Variants in NEURL1B observed in about 807,000 individuals in gnomAD.
NEURL1B encodes neuralized E3 ubiquitin protein ligase 1B.
Under a neutral mutation model 37.4 loss-of-function variants are expected in NEURL1B, and 13 were observed. The ratio of observed to expected loss-of-function variants is 0.35; its 90% CI spans 0.23 to 0.55. NEURL1B has a LOEUF of 0.55. Among genes scored for constraint, NEURL1B ranks in the 20% least tolerant of loss-of-function variants. The pLI, the probability that NEURL1B is intolerant of heterozygous loss-of-function variation, is 0.89. For synonymous variants in NEURL1B, 432 were observed against 426.6 expected (o/e 1.01, Z -0.16); for missense variants, 790 against 879.2 (o/e 0.90, Z 1.28).
intron 2 of NEURL1B, 64 bp downstream of exon 2, chr5:172,670,394 T>C: frequency 8.0e-7 from 1 of 1,248,012 alleles, no homozygotes. Context: ...TGGGTGTGTG[T>C]TTCATTAGTA....
In NEURL1B at chr5:172,683,375, C is replaced by T. The variant is rs1038606391; in HGVS notation, c.578-44C>T. 8.0e-5 allele frequency: 103 copies of T among 1,279,680 alleles called. No homozygotes were observed. Among genetic ancestry groups the T allele is most frequent in the Non-Finnish European group, 1.0e-4 (101 of 1,009,242 alleles). The allele number at this position is 1,279,680 out of a possible 1,614,324, so 79.3% of individuals were successfully genotyped here. A position where few individuals can be genotyped will look rare whatever the true frequency, so the allele number is the denominator to read the frequency against. ...GAGGAGGGGCTCGCGACCAGCCTGACGCGCGGCCTCTCCCCCTCCATGTCC... is the reference window on the plus strand; with the variant it reads ...GAGGAGGGGCTCGCGACCAGCCTGATGCGCGGCCTCTCCCCCTCCATGTCC... On this transcript the variant is annotated intron_variant, in intron 2 of 4. Transcript: ENST00000369800. The surrounding 1 kb of genome is among the most constrained non-coding windows in gnomAD (Gnocchi z 5.6).
At chr5:172,642,259 T>TA (rs963785600) in intron 1 of NEURL1B, among the ~76,000 whole-genome samples, 7 of 152,162 alleles carry the variant, frequency 4.6e-5, no homozygotes, top group Non-Finnish European at 7.4e-5. Flanking sequence ...GTTTTACAAA[T>TA]AAAAAAATTG....
intron 1 of NEURL1B, among the ~76,000 whole-genome samples, chr5:172,660,033 A>T (rs1396054923): frequency 6.6e-6 from 1 of 152,158 alleles, no homozygotes; most frequent in Non-Finnish European, 1.5e-5. Context: ...TTGTCAGTGC[A>T]TGTACCCGGC....
chr5:172,644,987 T>C (rs1757533924), intron 1 of NEURL1B, among the ~76,000 whole-genome samples: 2 of 152,272 alleles, frequency 1.3e-5, no homozygotes, highest in African/African-American at 4.8e-5. Context: ...ATACACTAAA[T>C]TCAAACAACA....
At chr5:172,677,808 C>T (rs868851195) in intron 2 of NEURL1B, among the ~76,000 whole-genome samples, 3 of 152,120 alleles carry the variant, frequency 2.0e-5, no homozygotes, top group Non-Finnish European at 2.9e-5. Flanking sequence ...GCCCCGGTGG[C>T]GTCCGTCTTT....
chr5:172,672,376 C>A (rs141186763), intron 2 of NEURL1B, among the ~76,000 whole-genome samples: 257 of 152,302 alleles, frequency 1.7e-3, no homozygotes, highest in African/African-American at 5.9e-3. Flanking sequence ...GGGAAGCAAT[C>A]CCACCTCACT....
In NEURL1B at chr5:172,665,549, C is replaced by T. The variant is rs779764926; in HGVS notation, c.32-4236C>T. ...GCGGCTCCCTCTTGCCCATGCAGTG[C>T]GTTCTGAGCCTCTTGGGCTGGCATT... On this transcript the variant is annotated intron_variant, in intron 1 of 4. Coordinates refer to ENST00000369800, the MANE Select transcript of NEURL1B (RefSeq NM_001142651.3). The surrounding 1 kb of genome is among the most constrained non-coding windows in gnomAD (Gnocchi z 4.1). 5.3e-5 allele frequency among the ~76,000 whole-genome samples: 8 copies of T among 152,352 alleles called. No homozygotes were observed. The highest frequency in any genetic ancestry group is 1.7e-4 in the African/African-American group (7 of 41,590).
At chr5:172,663,829 T>TTTTTTTATTATTATTATTATTATTA (rs138220033) in intron 1 of NEURL1B, among the ~76,000 whole-genome samples, 15 of 140,846 alleles carry the variant, frequency 1.1e-4, no homozygotes, top group South Asian at 2.4e-4. Context: ...GTTTTATTTG[T>TTTTTTTATTATTATTATTATTATTA]TTATTATTAT....
intron 1 of NEURL1B, among the ~76,000 whole-genome samples, chr5:172,652,648 C>G (rs1757688992): frequency 6.6e-6 from 1 of 152,270 alleles, no homozygotes; most frequent in South Asian, 2.1e-4. Context: ...TCGAAATCTT[C>G]CCAGATTAAA....
At chr5:172,680,156 G>T (rs747239654) in intron 2 of NEURL1B, among the ~76,000 whole-genome samples, 6 of 152,200 alleles carry the variant, frequency 3.9e-5, no homozygotes, top group Non-Finnish European at 7.3e-5. Flanking sequence ...AGCACTTAGT[G>T]CCATGCTCTG....
intron 1 of NEURL1B, among the ~76,000 whole-genome samples, chr5:172,644,901 C>A (rs1051935964): frequency 6.6e-6 from 1 of 152,156 alleles, no homozygotes; most frequent in Non-Finnish European, 1.5e-5. Flanking sequence ...GGGAGGGACT[C>A]ATCCCCTTCT....
At chr5:172,666,767 G>A (rs564471125) in intron 1 of NEURL1B, among the ~76,000 whole-genome samples, 5 of 152,278 alleles carry the variant, frequency 3.3e-5, no homozygotes, top group African/African-American at 7.2e-5. Context: ...GCCACCCCTC[G>A]TGGGCCTTAC....
chr5:172,648,906 G>T (rs1757607679), intron 1 of NEURL1B, among the ~76,000 whole-genome samples: 2 of 152,222 alleles, frequency 1.3e-5, no homozygotes, highest in Admixed American at 6.5e-5. Context: ...CAGGTCAGGG[G>T]AGAGCTGATG....
In NEURL1B at chr5:172,641,533, G is replaced by A. The variant is rs890201801; in HGVS notation, c.31+96G>A. 1.1e-4 allele frequency: 119 copies of A among 1,080,118 alleles called. No individual in the cohort carries two copies. In the Middle Eastern group the frequency reaches 1.4e-3, roughly 13 times the overall value. The allele number at this position is 1,080,118 out of a possible 1,614,324, so 66.9% of individuals were successfully genotyped here. A position where few individuals can be genotyped will look rare whatever the true frequency, so the allele number is the denominator to read the frequency against. On this transcript the variant is annotated intron_variant, in intron 1 of 4. Coordinates refer to ENST00000369800, the MANE Select transcript of NEURL1B (RefSeq NM_001142651.3). The surrounding 1 kb of genome is among the most constrained non-coding windows in gnomAD (Gnocchi z 6.4). ...CTGGAGAGCTACCCCACGGCCCTTG[G>A]AGCCCTCGGCTCGCAGCGGGCTGGA...
chr5:172,644,292 A>T (rs1002496576), intron 1 of NEURL1B, among the ~76,000 whole-genome samples: 4 of 152,174 alleles, frequency 2.6e-5, no homozygotes, highest in Non-Finnish European at 4.4e-5. Flanking sequence ...TCAGAGAGGT[A>T]AAGTGGCTTG....
In NEURL1B at chr5:172,665,429, C is replaced by T. The variant is rs1044890300; in HGVS notation, c.32-4356C>T. On this transcript the variant is annotated intron_variant, in intron 1 of 4. Transcript: ENST00000369800. The surrounding 1 kb of genome is among the most constrained non-coding windows in gnomAD (Gnocchi z 4.1). ...CGTGGTTCTAGAGATGGCCCACAGC[C>T]TGACTCTGCGTCCACCCTCCTTGCT... Among the ~76,000 whole-genome samples, 2 of 152,254 alleles carry T rather than the reference C, an allele frequency of 1.3e-5. No homozygotes were observed. The highest frequency in any genetic ancestry group is 4.8e-5 in the African/African-American group (2 of 41,476).
Position 172,665,772 on chromosome 5 carries a change from T to C in NEURL1B, c.32-4013T>C, listed in dbSNP as rs528216813. Among the ~76,000 whole-genome samples the C allele has an allele frequency of 9.5e-4, 143 of 150,528 alleles. No individual in the cohort carries two copies. The highest frequency in any genetic ancestry group is 3.1e-3 in the African/African-American group (127 of 40,990). ...TCTCCTCCCTCGAGACCTGGCTCAG[T>C]GGGCATCCCACTATTCCCAGCCCCT... On this transcript the variant is annotated intron_variant, in intron 1 of 4. Transcript: ENST00000369800. This position sits in a 1 kb window ranked among gnomAD's most constrained non-coding sequence, Gnocchi z 4.1.
Position 172,683,580 on chromosome 5 carries a change from C to G in NEURL1B, c.739C>G (p.Pro247Ala). 3 of 1,343,546 alleles carry G rather than the reference C, an allele frequency of 2.2e-6. No individual in the cohort carries two copies. Among genetic ancestry groups the G allele is most frequent in the Non-Finnish European group, 2.9e-6 (3 of 1,049,388 alleles). 83.2% of individuals were successfully genotyped at this position (1,343,546 alleles called of 1,614,324 possible). A position where few individuals can be genotyped will look rare whatever the true frequency, so the allele number is the denominator to read the frequency against. The change falls in exon 3 of 5, where the codon CCG becomes GCG. Residue 247 changes from proline (P) to alanine (A), a missense_variant. Around this residue, in one of 3 missense-constraint regions of NEURL1B, gnomAD observed 460 missense variants for 407.4 expected, o/e 1.13. Transcript: ENST00000369800. This position sits in a 1 kb window ranked among gnomAD's most constrained non-coding sequence, Gnocchi z 5.6. Reference sequence around the variant, plus strand: ...GGGCCACCTGGCGCTGGGCCGCGCCCCGGGCCCACCGCCAGCCGACGCCGC... The same window carrying G: ...GGGCCACCTGGCGCTGGGCCGCGCCGCGGGCCCACCGCCAGCCGACGCCGC... ...KLGHLALGRA[P>A]GPPPADAAAA...
Position 172,675,305 on chromosome 5 carries a change from C to T in NEURL1B, c.577+4975C>T, listed in dbSNP as rs759421310. ...AGGATCTATCTGTACTGTGGTATGC[C>T]TATCTGGTTCCTTTCTCCCTCGTGG... On this transcript the variant is annotated intron_variant, in intron 2 of 4. Coordinates refer to ENST00000369800, the MANE Select transcript of NEURL1B (RefSeq NM_001142651.3). The surrounding 1 kb of genome is among the most constrained non-coding windows in gnomAD (Gnocchi z 4.7). Among the ~76,000 whole-genome samples the T allele has an allele frequency of 3.9e-5, 6 of 152,088 alleles. No homozygotes were observed. Among genetic ancestry groups the T allele is most frequent in the Non-Finnish European group, 7.4e-5 (5 of 68,018 alleles).
Sources: allele counts gnomAD v4.1 joint callset (sites outside exome capture counted in the v4.1 genomes callset), GRCh38; gene constraint gnomAD v4.1.1; regional missense constraint gnomAD v4.1.1; non-coding constraint Gnocchi (gnomAD v3.1); transcripts MANE v1.5; gene names NCBI Gene and HGNC (gene_info 2026-07-23, HGNC 2026-07-21).